Variants in FHIT observed in about 807,000 individuals in gnomAD.
FHIT encodes bis(5'-adenosyl)-triphosphatase.
FHIT carries 19 observed loss-of-function variants against 17.9 expected under a neutral mutation model. The observed-to-expected ratio is 1.06, with a 90% CI of 0.74 to 1.56. The LOEUF (loss-of-function observed/expected upper bound fraction) is 1.56, where lower values mean the gene tolerates loss of function less well. FHIT is among the 40% of genes most tolerant of loss of function. FHIT has a pLI of 0.00. For missense variants in FHIT, 248 were observed against 189.2 expected (o/e 1.31, Z -1.82); for synonymous variants, 81 against 69.7 (o/e 1.16, Z -0.81).
chr3:61,036,901 G>GTTTTTTTTTTTTTTTTTTTTTTTT (rs746649804), intron 3 of FHIT, among the ~76,000 whole-genome samples: 9 of 70,306 alleles, frequency 1.3e-4, no homozygotes, highest in Middle Eastern at 7.2e-3. Flanking sequence ...AGTCTGCTTT[G>GTTTTTTTTTTTTTTTTTTTTTTTT]TTTTTTTTTT....
At chr3:60,520,273 A>C (rs993817916) in intron 5 of FHIT, among the ~76,000 whole-genome samples, 1 of 152,012 alleles carries the variant, frequency 6.6e-6, no homozygotes, top group East Asian at 1.9e-4. Context: ...TGTCCAAAAA[A>C]TTTTTCTAAT....
chr3:61,132,404 C>T (rs1043449150), intron 2 of FHIT, among the ~76,000 whole-genome samples: 4 of 152,116 alleles, frequency 2.6e-5, no homozygotes, highest in Non-Finnish European at 5.9e-5. Flanking sequence ...ATTTCAAGCC[C>T]TGGGAAGGAA....
intron 5 of FHIT, among the ~76,000 whole-genome samples, chr3:60,054,363 G>C (rs150163614): frequency 6.6e-6 from 1 of 152,158 alleles, no homozygotes. Context: ...AAATGAAAGC[G>C]TTGAGGTCAG....
intron 4 of FHIT, among the ~76,000 whole-genome samples, chr3:60,663,123 T>G (rs1190252293): frequency 7.4e-6 from 1 of 135,020 alleles, no homozygotes. Context: ...GTTTGATTAC[T>G]ATAGCTATAT....
chr3:59,750,533 G>A (rs1559568095), intron 9 of FHIT: 1 of 225,496 alleles, frequency 4.4e-6, no homozygotes, highest in Admixed American at 5.7e-5. Flanking sequence ...GTGAACAGTG[G>A]AAAAGGTTCA....
intron 4 of FHIT, among the ~76,000 whole-genome samples, chr3:60,736,931 C>A (rs1431776497): frequency 1.3e-5 from 2 of 152,140 alleles, no homozygotes; most frequent in Non-Finnish European, 2.9e-5. Context: ...GAAAAACAAT[C>A]CATACAAATG....
At chr3:61,007,162 T>G (rs955426818) in intron 3 of FHIT, among the ~76,000 whole-genome samples, 1 of 152,242 alleles carries the variant, frequency 6.6e-6, no homozygotes, top group Non-Finnish European at 1.5e-5. Context: ...TTGCTTTGCT[T>G]CTTCTTTAGT....
intron 4 of FHIT, among the ~76,000 whole-genome samples, chr3:60,609,576 C>T (rs138908149): frequency 8.5e-5 from 13 of 152,258 alleles, no homozygotes; most frequent in African/African-American, 1.7e-4. Flanking sequence ...TCACCCACCT[C>T]GGCCTCCCAC....
At chr3:61,059,919 T>C (rs148074156) in intron 2 of FHIT, among the ~76,000 whole-genome samples, 9 of 152,296 alleles carry the variant, frequency 5.9e-5, no homozygotes, top group African/African-American at 2.2e-4. Context: ...TCAAGTTTTC[T>C]CCCACATCCC....
chr3:59,913,140 A>C (rs912255158), intron 8 of FHIT, among the ~76,000 whole-genome samples: 1 of 152,166 alleles, frequency 6.6e-6, no homozygotes, highest in African/African-American at 2.4e-5. Flanking sequence ...CTGTAAGTCT[A>C]AATTACTGGT....
intron 8 of FHIT, among the ~76,000 whole-genome samples, chr3:59,774,042 A>C (rs776531615): frequency 6.6e-6 from 1 of 152,220 alleles, no homozygotes; most frequent in Non-Finnish European, 1.5e-5. Flanking sequence ...TAATATGGCT[A>C]CTATAAAACT....
intron 3 of FHIT, among the ~76,000 whole-genome samples, chr3:60,860,147 G>GAT (rs1553751049): frequency 2.6e-5 from 2 of 77,140 alleles, no homozygotes; most frequent in Non-Finnish European, 5.2e-5. Context: ...ATATACATAT[G>GAT]GTATATATGA....
At chr3:60,070,211 A>C (rs1190861511) in intron 5 of FHIT, among the ~76,000 whole-genome samples, 1 of 152,178 alleles carries the variant, frequency 6.6e-6, no homozygotes, top group African/African-American at 2.4e-5. Flanking sequence ...AGTATCTGAC[A>C]GTCATATTTA....
At chr3:60,659,190 G>A (rs2040185106) in intron 4 of FHIT, among the ~76,000 whole-genome samples, 1 of 151,678 alleles carries the variant, frequency 6.6e-6, no homozygotes, top group Non-Finnish European at 1.5e-5. Flanking sequence ...CTCTCATGTT[G>A]TTTTCAAGAT....
At chr3:60,720,869 A>G (rs183096310) in intron 4 of FHIT, among the ~76,000 whole-genome samples, 2 of 152,192 alleles carry the variant, frequency 1.3e-5, no homozygotes, top group Admixed American at 1.3e-4. Context: ...CTAGCAATTC[A>G]TTTCCCCTGG....
chr3:61,148,004 C>T (rs1414457754), intron 2 of FHIT, among the ~76,000 whole-genome samples: 14 of 150,506 alleles, frequency 9.3e-5, no homozygotes, highest in Admixed American at 2.6e-4. Flanking sequence ...ATTCAAAAGT[C>T]CAGTTAAATA....
In FHIT at chr3:61,054,029, G is replaced by T. The variant is rs572370039; in HGVS notation, c.-163-11930C>A. ...TCTGTCCAGAGGCTTGAAGAGACCT[G>T]TCTGAACAGGCTCTCACAGCCCAGC... On this transcript the variant is annotated intron_variant, in intron 2 of 9. Coordinates refer to ENST00000492590, the MANE Select transcript of FHIT (RefSeq NM_002012.4). Among the ~76,000 whole-genome samples, 18 of 152,340 alleles carry T rather than the reference G, an allele frequency of 1.2e-4. No homozygotes were observed. The East Asian group carries it at 3.5e-3, about 29-fold the overall frequency.
intron 2 of FHIT, among the ~76,000 whole-genome samples, chr3:61,126,483 G>C (rs1162439959): frequency 1.3e-5 from 2 of 152,130 alleles, no homozygotes; most frequent in Non-Finnish European, 2.9e-5. Context: ...AGGCTAGAGA[G>C]AGCAGGTAAG....
intron 5 of FHIT, among the ~76,000 whole-genome samples, chr3:60,077,729 C>T (rs4019408): frequency 0.081 from 5,416 of 67,060 alleles, 204 homozygotes; most frequent in African/African-American, 0.16. Context: ...CACACACACA[C>T]ATATATAGAG....
Sources: allele counts gnomAD v4.1 joint callset (sites outside exome capture counted in the v4.1 genomes callset), GRCh38; gene constraint gnomAD v4.1.1; transcripts MANE v1.5; gene names NCBI Gene and HGNC (gene_info 2026-07-23, HGNC 2026-07-21).